Variants in PTPRA observed in about 807,000 individuals in gnomAD.
PTPRA encodes receptor-type tyrosine-protein phosphatase alpha.
In PTPRA, 25 loss-of-function variants were observed where a neutral mutation model predicts 104.8. The ratio of observed to expected loss-of-function variants is 0.24; its 90% CI spans 0.17 to 0.33. The LOEUF is 0.33. PTPRA is among the 10% of genes least tolerant of loss of function. PTPRA has a pLI of 1.00. For synonymous variants in PTPRA, 323 were observed against 368.9 expected (o/e 0.88, Z 1.43); for missense variants, 765 against 1,015.3 (o/e 0.75, Z 3.35).
intron 1 of PTPRA, among the ~76,000 whole-genome samples, chr20:2,879,307 G>T (rs1469314727): frequency 2.0e-5 from 3 of 152,194 alleles, no homozygotes; most frequent in Non-Finnish European, 4.4e-5. Context: ...TTGTTAAAAT[G>T]CCAAGTCCTG....
the PTPRA span, chr20:2,866,507 C>T: frequency 2.7e-5 from 43 of 1,614,044 alleles, no homozygotes; most frequent in East Asian, 2.0e-4. Context: ...TCCCACTGCA[C>T]GGGAGCCACA....
At chr20:2,975,282 T>C in intron 6 of PTPRA, 41 bp downstream of exon 6, 1 of 1,512,150 alleles carries the variant, frequency 6.6e-7, no homozygotes, top group Non-Finnish European at 9.1e-7. Context: ...TTTTACACAG[T>C]GTACAGTATT....
chr20:2,864,956 G>T, the PTPRA span: 1 of 1,614,086 alleles, frequency 6.2e-7, no homozygotes, highest in Non-Finnish European at 8.5e-7. This position sits in a 1 kb window ranked among gnomAD's most constrained non-coding sequence, Gnocchi z 5.2. Flanking sequence ...GTGAGTTCAG[G>T]CCTTCCTTCT....
At position 2,998,227 on chromosome 20, in the gene PTPRA, G is replaced by C. The variant is rs1600230880; in HGVS notation, c.739-6829G>C. Among the ~76,000 whole-genome samples, 3 of 151,158 alleles carry C rather than the reference G, an allele frequency of 2.0e-5. 1 individual carries two copies. Among genetic ancestry groups the C allele is most frequent in the South Asian group, 4.2e-4 (2 of 4,748 alleles). On this transcript the variant is annotated intron_variant, in intron 9 of 23. Transcript: ENST00000399903. ...AGCTCCTGAGAGGAATGGGATAGGA[G>C]AGAAAGAAAAGAGGGAAAGAGGTGA...
intron 9 of PTPRA, 84 bp downstream of exon 9, chr20:2,988,558 G>T: frequency 6.5e-7 from 1 of 1,530,446 alleles, no homozygotes; most frequent in Non-Finnish European, 8.7e-7. Flanking sequence ...GAGTCATGAA[G>T]TAAAAAATGG....
chr20:2,956,668 ATAAATAAATAAAT>A (rs2147855449), intron 3 of PTPRA, among the ~76,000 whole-genome samples: 1 of 24,768 alleles, frequency 4.0e-5, no homozygotes, highest in African/African-American at 6.3e-4. Flanking sequence ...ATAAAAATAA[ATAAATAAATAAAT>A]AAATAAATAA....
chr20:3,019,215 C>T (rs2064687473), intron 13 of PTPRA, among the ~76,000 whole-genome samples: 1 of 144,142 alleles, frequency 6.9e-6, no homozygotes, highest in Non-Finnish European at 1.5e-5. Context: ...GACCCCCCCA[C>T]CTCCCTCCCG....
intron 6 of PTPRA, among the ~76,000 whole-genome samples, chr20:2,979,843 C>T (rs925269599): frequency 6.6e-6 from 1 of 152,038 alleles, no homozygotes; most frequent in African/African-American, 2.4e-5. Flanking sequence ...CGTGCCCGGC[C>T]CTGTTAAGCC....
chr20:3,037,986 G>T lies in PTPRA; in HGVS notation c.2335-73G>T. On this transcript the variant is annotated intron_variant, in intron 23 of 23. Transcript: ENST00000399903. The surrounding 1 kb of genome is among the most constrained non-coding windows in gnomAD (Gnocchi z 4.3). ...GATTTTCCATCTTCAACAAAAAAAT[G>T]AGTCTGTTAGGAATTACAGGTACTG... 1 of 1,270,348 alleles carries T rather than the reference G, an allele frequency of 7.9e-7. No homozygotes were observed. The highest frequency in any genetic ancestry group is 1.3e-5 in the South Asian group (1 of 78,850). 78.7% of individuals were successfully genotyped at this position (1,270,348 alleles called of 1,614,324 possible).
At chr20:2,992,978 G>A (rs887993432) in intron 9 of PTPRA, among the ~76,000 whole-genome samples, 1 of 152,220 alleles carries the variant, frequency 6.6e-6, no homozygotes, top group Middle Eastern at 3.2e-3. Context: ...CCAGCTACTG[G>A]GGAGGCTGAG....
chr20:3,002,322 ATTT>A (rs5839983), intron 9 of PTPRA, among the ~76,000 whole-genome samples: 16,419 of 117,074 alleles, frequency 0.14, 941 homozygotes, highest in East Asian at 0.28. Flanking sequence ...AAATGTAGTA[ATTT>A]TTTTTTTTTT....
At chr20:2,919,198 G>A (rs1000543689) in intron 1 of PTPRA, among the ~76,000 whole-genome samples, 1 of 152,116 alleles carries the variant, frequency 6.6e-6, no homozygotes, top group African/African-American at 2.4e-5. Context: ...AAATTAAGCA[G>A]TTATTAAAGA....
intron 1 of PTPRA, among the ~76,000 whole-genome samples, chr20:2,897,629 C>G (rs2059061477): frequency 6.6e-6 from 1 of 152,094 alleles, no homozygotes. Flanking sequence ...CTCAGATGAT[C>G]TGCCCACCTT....
Position 2,944,059 on chromosome 20 carries a change from T to A in PTPRA, c.-49-3923T>A, listed in dbSNP as rs867437926. 5.6e-3 allele frequency among the ~76,000 whole-genome samples: 841 copies of A among 150,008 alleles called. 5 individuals carry two copies. Among genetic ancestry groups the A allele is most frequent in the African/African-American group, 0.02 (800 of 40,932 alleles). On this transcript the variant is annotated intron_variant, in intron 2 of 23. Coordinates refer to ENST00000399903, the MANE Select transcript of PTPRA (RefSeq NM_001385305.1). ...CTGGTCTTTTTTTTTTTTTTTTTTT[T>A]AGACAGGGTCTCACTCTGCCACCCA...
chr20:3,026,922 A>G (rs1248789375), intron 18 of PTPRA, 142 bp downstream of exon 18: 1 of 944,324 alleles, frequency 1.1e-6, no homozygotes, highest in African/African-American at 1.6e-5. Flanking sequence ...ACTTAACAAC[A>G]TGGCGTTGCC....
At chr20:2,902,020 G>A (rs2059257245) in intron 1 of PTPRA, among the ~76,000 whole-genome samples, 1 of 151,890 alleles carries the variant, frequency 6.6e-6, no homozygotes, top group Admixed American at 6.6e-5. Context: ...CGAGAACCTG[G>A]GACTACAGGT....
intron 6 of PTPRA, among the ~76,000 whole-genome samples, chr20:2,980,567 C>T (rs899236550): frequency 6.6e-6 from 1 of 151,198 alleles, no homozygotes; most frequent in Non-Finnish European, 1.5e-5. Flanking sequence ...GAAAAAAAAA[C>T]GCAATGCAGC....
chr20:2,907,596 A>T (rs965726344), intron 1 of PTPRA, among the ~76,000 whole-genome samples: 1 of 152,218 alleles, frequency 6.6e-6, no homozygotes, highest in African/African-American at 2.4e-5. Flanking sequence ...ACCATTATCA[A>T]TGATAACGTA....
chr20:2,866,276 T>C, the PTPRA span: 2 of 1,614,040 alleles, frequency 1.2e-6, no homozygotes, highest in Non-Finnish European at 1.7e-6. Context: ...GCTTCCCGCG[T>C]GGGTCCCGAG....
Sources: allele counts gnomAD v4.1 joint callset (sites outside exome capture counted in the v4.1 genomes callset), GRCh38; gene constraint gnomAD v4.1.1; non-coding constraint Gnocchi (gnomAD v3.1); transcripts MANE v1.5; gene names NCBI Gene and HGNC (gene_info 2026-07-23, HGNC 2026-07-21).